Variants in MICALL2 observed in about 807,000 individuals in gnomAD.
MICALL2 encodes MICAL like 2, also known as MICAL-like protein 2.
In MICALL2, 111 loss-of-function variants were observed where a neutral mutation model predicts 91.1. The observed-to-expected ratio is 1.22, with a 90% confidence interval of 1.04 to 1.43. The LOEUF is 1.43. Ranked by LOEUF, MICALL2 falls within the 40% of genes most tolerant of loss-of-function variation. The pLI is 0.00. For missense variants in MICALL2, 1,556 were observed against 1,236.0 expected (o/e 1.26, Z -3.88); for synonymous variants, 694 against 525.3 (o/e 1.32, Z -4.39).
At chr7:1,449,521 A>G (rs1277463156) in intron 2 of MICALL2, among the ~76,000 whole-genome samples, 2 of 152,186 alleles carry the variant, frequency 1.3e-5, no homozygotes, top group Non-Finnish European at 2.9e-5. Flanking sequence ...ATGAACTTGT[A>G]ATTTTAGTTC....
intron 1 of MICALL2, among the ~76,000 whole-genome samples, chr7:1,453,273 G>A (rs1056779223): frequency 4.6e-5 from 7 of 152,174 alleles, no homozygotes; most frequent in African/African-American, 1.2e-4. Context: ...AATTCAAACA[G>A]GGTTCTTTGC....
chr7:1,434,985 G>GCCCCCCCCCCCCCCCCCCCCCCCCCC, intron 16 of MICALL2, 116 bp downstream of exon 16: 1 of 255,664 alleles, frequency 3.9e-6, no homozygotes, highest in South Asian at 3.4e-5. Flanking sequence ...CCCGATACCC[G>GCCCCCCCCCCCCCCCCCCCCCCCCCC]CCCCCCCCCC....
At chr7:1,458,522 G>C (rs1054325065) in intron 1 of MICALL2, among the ~76,000 whole-genome samples, 2 of 152,246 alleles carry the variant, frequency 1.3e-5, no homozygotes, top group Non-Finnish European at 2.9e-5. Flanking sequence ...GTCCAGGCTC[G>C]GGCCAAGATT....
chr7:1,446,854 G>A (rs1339787787), intron 4 of MICALL2, 26 bp from the exon 5 acceptor site: 1 of 1,492,654 alleles, frequency 6.7e-7, no homozygotes, highest in Non-Finnish European at 9.1e-7. Context: ...GCACCTCTCT[G>A]AGCAGCCGTC....
At chr7:1,434,790 C>T (rs1779884689) in intron 16 of MICALL2, 118 bp from the exon 17 acceptor site, 7 of 1,098,988 alleles carry the variant, frequency 6.4e-6, no homozygotes, top group Non-Finnish European at 8.9e-6. Context: ...CCGCCCTGGG[C>T]CTCCGAGCCT....
At chr7:1,439,378 G>A (rs561125524) in intron 9 of MICALL2, 25 of 250,328 alleles carry the variant, frequency 1.0e-4, no homozygotes, top group East Asian at 2.6e-4. Flanking sequence ...ATCCACACAT[G>A]GGTACATGCA....
intron 6 of MICALL2, among the ~76,000 whole-genome samples, chr7:1,443,767 G>A (rs79977374): frequency 0.027 from 4,175 of 152,292 alleles, 141 homozygotes; most frequent in East Asian, 0.18. Flanking sequence ...GCCCTGCAAG[G>A]GGACGCGGCC....
chr7:1,441,434 AG>A, intron 7 of MICALL2: 1 of 153,432 alleles, frequency 6.5e-6, no homozygotes, highest in Non-Finnish European at 1.5e-5. Flanking sequence ...ATGATCACCC[AG>A]GGGGCTAACC....
intron 5 of MICALL2, 87 bp from the exon 6 acceptor site, chr7:1,445,515 G>A (rs539845481): frequency 2.8e-5 from 36 of 1,290,384 alleles, no homozygotes; most frequent in Admixed American, 5.5e-5. Context: ...CAGGCATTGC[G>A]GACTCCTGTG....
rs774565274 is a variant in MICALL2, at chr7:1,435,193, G to A, written c.2592-46C>T. ...CATGAGCGACAATGGCAATGGCAAG[G>A]TGCCCTGGAGGGGCCTCCGGACAGT... On this transcript the variant is annotated intron_variant, in intron 15 of 16. Coordinates refer to ENST00000297508, the MANE Select transcript of MICALL2 (RefSeq NM_182924.4). 38 of 1,604,158 alleles carry A rather than the reference G, an allele frequency of 2.4e-5. No individual in the cohort carries two copies. In the South Asian group the frequency reaches 3.5e-4, roughly 15 times the overall value.
rs991794883 is a variant in MICALL2, at chr7:1,445,224, G to A, written c.846C>T (p.Ala282=). 3.1e-6 allele frequency: 5 copies of A among 1,610,558 alleles called. No individual in the cohort carries two copies. Among genetic ancestry groups the A allele is most frequent in the East Asian group, 4.5e-5 (2 of 44,788 alleles). The change falls in exon 6 of 17, where the codon GCC becomes GCT. Residue 282 remains alanine, a synonymous_variant. Transcript: ENST00000297508. ...SPQKAQEANK[A]RPSAWEPAAG... ...CAGCAGGCTCCCAGGCCGACGGTCT[G>A]GCCTTGTTTGCCTCCTGGGCCTTCT...
At chr7:1,437,169 C>T (rs1780012162) in intron 14 of MICALL2, 3 of 485,416 alleles carry the variant, frequency 6.2e-6, no homozygotes, top group Admixed American at 4.1e-5. Context: ...ACGGCCTGGG[C>T]CTGTGCCCTC....
chr7:1,450,931 A>T (rs1303667024), intron 1 of MICALL2, among the ~76,000 whole-genome samples: 2 of 152,240 alleles, frequency 1.3e-5, no homozygotes, highest in African/African-American at 4.8e-5. Flanking sequence ...CCTGTGGAGC[A>T]GACACCGGTT....
At chr7:1,453,505 C>T (rs1780910244) in intron 1 of MICALL2, among the ~76,000 whole-genome samples, 1 of 152,128 alleles carries the variant, frequency 6.6e-6, no homozygotes, top group Non-Finnish European at 1.5e-5. Flanking sequence ...GGACACTTTC[C>T]GTTGTTGAAA....
rs909714233 is a variant in MICALL2 at position 1,451,681 on chromosome 7, G to A, written c.144-1393C>T. The stretch of plus-strand genomic sequence containing the variant: ...CACCCCGGCCTGCATGTCTGACCCC[G>A]GCCAGCCTCGGTCTCAGGGCCTCAG... On this transcript the variant is annotated intron_variant, in intron 1 of 16. Transcript: ENST00000297508. This position sits in a 1 kb window ranked among gnomAD's most constrained non-coding sequence, Gnocchi z 4.5. Among the ~76,000 whole-genome samples the A allele has an allele frequency of 4.6e-5, 7 of 152,212 alleles. No individual in the cohort carries two copies. Among genetic ancestry groups the A allele is most frequent in the Non-Finnish European group, 7.3e-5 (5 of 68,030 alleles).
rs778868042 is a variant in MICALL2 at position 1,434,500 on chromosome 7, G to A, written c.*96C>T. ...GGGTCCGGGCCGAGCCCACGGCCCC[G>A]AGTACAAGTCCGGGTTCCGGGTCCG... On this transcript the variant is annotated 3_prime_UTR_variant, in exon 17 of 17. Transcript: ENST00000297508. 1.3e-5 allele frequency: 14 copies of A among 1,111,620 alleles called. No individual in the cohort carries two copies. Among genetic ancestry groups the A allele is most frequent in the East Asian group, 4.7e-5 (2 of 42,178 alleles). The allele number at this position is 1,111,620 out of a possible 1,614,324, so 68.9% of individuals were successfully genotyped here.
chr7:1,454,825 G>C (rs531149643), intron 1 of MICALL2, among the ~76,000 whole-genome samples: 1 of 152,106 alleles, frequency 6.6e-6, no homozygotes, highest in Non-Finnish European at 1.5e-5. Flanking sequence ...GTGGTGTCTC[G>C]GGGAGCCCCG....
intron 1 of MICALL2, among the ~76,000 whole-genome samples, chr7:1,456,523 T>C (rs1055907337): frequency 6.6e-6 from 1 of 151,994 alleles, no homozygotes; most frequent in Admixed American, 6.6e-5. Flanking sequence ...GAGGCGGAGG[T>C]TGCAGTGAGC....
At chr7:1,440,186 G>A in intron 8 of MICALL2, 101 bp from the exon 9 acceptor site, 3 of 1,455,598 alleles carry the variant, frequency 2.1e-6, no homozygotes, top group Non-Finnish European at 2.8e-6. Flanking sequence ...GGAGGGAGCA[G>A]GTGGCCTTCT....
Sources: allele counts gnomAD v4.1 joint callset (sites outside exome capture counted in the v4.1 genomes callset), GRCh38; gene constraint gnomAD v4.1.1; non-coding constraint Gnocchi (gnomAD v3.1); transcripts MANE v1.5; gene names NCBI Gene and HGNC (gene_info 2026-07-23, HGNC 2026-07-21).